Variants in TNKS2 observed in about 807,000 individuals in gnomAD.
TNKS2 encodes the protein tankyrase 2, also known as poly [ADP-ribose] polymerase tankyrase-2.
TNKS2 carries 72 observed loss-of-function variants against 137.6 expected under a neutral mutation model. That is an observed-to-expected ratio of 0.52 (90% CI 0.43 to 0.64). The LOEUF is 0.64. Among genes scored for constraint, TNKS2 ranks in the 30% least tolerant of loss-of-function variants. The pLI is 0.00. For missense variants in TNKS2, 1,049 were observed against 1,410.2 expected, an observed-to-expected ratio of 0.74 and a Z score of 4.10; for synonymous variants, 516 against 512.1, an observed-to-expected ratio of 1.01 and a Z score of -0.10.
chr10:91,861,911 T>G, intron 25 of TNKS2, 88 bp from the exon 26 acceptor site: 1 of 1,230,922 alleles, frequency 8.1e-7, no homozygotes, highest in Non-Finnish European at 1.1e-6. Context: ...GTATAAATAA[T>G]TTTTTAAAAC....
intron 3 of TNKS2, among the ~76,000 whole-genome samples, chr10:91,817,930 C>T (rs1844764895): frequency 6.6e-6 from 1 of 152,184 alleles, no homozygotes. Flanking sequence ...CTTGTGATGA[C>T]TAGAATCATA....
intron 24 of TNKS2, among the ~76,000 whole-genome samples, chr10:91,858,167 T>G (rs1212777624): frequency 6.6e-6 from 1 of 152,160 alleles, no homozygotes; most frequent in African/African-American, 2.4e-5. Flanking sequence ...AGTCTGTTTC[T>G]TCATTTGTCC....
Position 91,863,033 on chromosome 10 carries a change from T to TA in TNKS2, c.*38dup. The stretch of plus-strand genomic sequence containing the variant: ...TTTAAGAAACTAATTCCACTGAACC[T>TA]AAAATCATCAAAGCAGCAGTGGCCT... On this transcript the variant is annotated 3_prime_UTR_variant, in exon 27 of 27. Coordinates refer to ENST00000371627, the MANE Select transcript of TNKS2 (RefSeq NM_025235.4). The TA allele has an allele frequency of 6.6e-7, 1 of 1,517,494 alleles. No homozygotes were observed. Among genetic ancestry groups the TA allele is most frequent in the Non-Finnish European group, 9.1e-7 (1 of 1,096,572 alleles). 94.0% of individuals were successfully genotyped at this position (1,517,494 alleles called of 1,614,324 possible). A position where few individuals can be genotyped will look rare whatever the true frequency, so the allele number is the denominator to read the frequency against.
chr10:91,850,361 C>T (rs1277748292), intron 20 of TNKS2, among the ~76,000 whole-genome samples: 3 of 123,012 alleles, frequency 2.4e-5, no homozygotes, highest in African/African-American at 9.5e-5. Flanking sequence ...GAGCAAGACT[C>T]GGTCTCAAAA....
chr10:91,845,069 T>C (rs1376026627), intron 17 of TNKS2, 41 bp downstream of exon 17: 11 of 1,363,130 alleles, frequency 8.1e-6, no homozygotes. Context: ...TGTGGAATTT[T>C]AAAGTGAAAG....
intron 3 of TNKS2, 79 bp downstream of exon 3, chr10:91,817,308 T>A (rs988689191): frequency 1.4e-5 from 12 of 843,066 alleles, no homozygotes; most frequent in Non-Finnish European, 2.1e-5. Context: ...CTCCTATGAT[T>A]AATGACTTCA....
At chr10:91,861,009 TCTC>T (rs959223099) in intron 25 of TNKS2, among the ~76,000 whole-genome samples, 7 of 152,126 alleles carry the variant, frequency 4.6e-5, no homozygotes, top group South Asian at 2.1e-4. Flanking sequence ...TCTACAGAAA[TCTC>T]CTGTTATCTT....
At position 91,851,348 on chromosome 10, in the gene TNKS2, T is replaced by A; in HGVS notation, c.2815+12T>A. 1 of 1,608,540 alleles carries A rather than the reference T, an allele frequency of 6.2e-7. No individual in the cohort carries two copies. The highest frequency in any genetic ancestry group is 8.5e-7 in the Non-Finnish European group (1 of 1,178,772). On this transcript the variant is annotated intron_variant, in intron 21 of 26. Coordinates refer to ENST00000371627, the MANE Select transcript of TNKS2 (RefSeq NM_025235.4). ...CTCCGGACAACAAGGTATTTTATTT[T>A]AATAATTGCTGTTGTCAGTTTAACA...
At chr10:91,836,477 T>C (rs1370364382) in intron 12 of TNKS2, 1 of 201,940 alleles carries the variant, frequency 5.0e-6, no homozygotes, top group East Asian at 1.8e-4. Context: ...TAGTCTACCT[T>C]ATGTCTTTAG....
At chr10:91,811,692 G>A (rs745612007) in intron 1 of TNKS2, among the ~76,000 whole-genome samples, 3 of 152,222 alleles carry the variant, frequency 2.0e-5, no homozygotes, top group Non-Finnish European at 2.9e-5. Context: ...TAGAAAGACT[G>A]TACCATTACT....
rs530811247 is a variant in TNKS2 at position 91,820,454 on chromosome 10, T to C, written c.728+421T>C. The stretch of plus-strand genomic sequence containing the variant: ...TGCGGGACATTAGTCTGTAAGACAA[T>C]TGGGATAAGTGGGGGCTGCTACAGC... On this transcript the variant is annotated intron_variant, in intron 6 of 26. Transcript: ENST00000371627. 2.0e-5 allele frequency among the ~76,000 whole-genome samples: 3 copies of C among 152,290 alleles called. No homozygotes were observed. The South Asian group carries it at 6.2e-4, about 32-fold the overall frequency.
chr10:91,852,814 A>G (rs975418893), intron 21 of TNKS2, among the ~76,000 whole-genome samples: 11 of 152,224 alleles, frequency 7.2e-5, no homozygotes, highest in African/African-American at 2.7e-4. Context: ...GATTCAAGCT[A>G]AGGAATACTT....
intron 1 of TNKS2, among the ~76,000 whole-genome samples, chr10:91,810,526 G>A (rs559665775): frequency 7.3e-5 from 11 of 151,600 alleles, no homozygotes; most frequent in African/African-American, 9.7e-5. Context: ...TTTTTGAGAC[G>A]GAGTCTCACT....
chr10:91,835,052 T>A (rs1841955853), intron 12 of TNKS2, among the ~76,000 whole-genome samples: 2 of 152,334 alleles, frequency 1.3e-5, no homozygotes, highest in South Asian at 4.1e-4. Flanking sequence ...GCACCTGTTT[T>A]CTGTCAGCAC....
intron 9 of TNKS2, among the ~76,000 whole-genome samples, chr10:91,829,283 T>TA (rs57622995): frequency 1.4e-4 from 21 of 149,838 alleles, no homozygotes; most frequent in Non-Finnish European, 2.2e-4. Flanking sequence ...CTTCTAAATT[T>TA]AAAAAAAAAA....
chr10:91,809,896 C>T (rs1236035350), intron 1 of TNKS2, among the ~76,000 whole-genome samples: 1 of 152,044 alleles, frequency 6.6e-6, no homozygotes, highest in Non-Finnish European at 1.5e-5. Flanking sequence ...CAAACTGTTT[C>T]TAAGAGGTGC....
At chr10:91,828,438 A>T in intron 9 of TNKS2, 32 bp downstream of exon 9, 1 of 1,525,582 alleles carries the variant, frequency 6.6e-7, no homozygotes, top group Non-Finnish European at 8.8e-7. Flanking sequence ...TTTAAAATAC[A>T]ATAACGAAGA....
At chr10:91,833,666 T>G (rs1482006657) in intron 11 of TNKS2, among the ~76,000 whole-genome samples, 187 bp from the exon 12 acceptor site, 1 of 152,218 alleles carries the variant, frequency 6.6e-6, no homozygotes, top group Non-Finnish European at 1.5e-5. Flanking sequence ...GTCTTCCTTC[T>G]GATGGTAGCC....
chr10:91,859,324 A>T, intron 24 of TNKS2, 138 bp from the exon 25 acceptor site: 1 of 594,168 alleles, frequency 1.7e-6, no homozygotes, highest in Non-Finnish European at 2.7e-6. Flanking sequence ...GCTGACAGTT[A>T]ACTTGTTACC....
Sources: gnomAD v4.1 joint callset for allele counts (sites outside exome capture counted in the v4.1 genomes callset) on GRCh38, gnomAD v4.1.1 for gene constraint, MANE v1.5 for transcripts, NCBI Gene and HGNC (gene_info 2026-07-23, HGNC 2026-07-21) for gene names.